The following UBE2N variants were observed in gnomAD, a reference collection of about 807,000 sequenced individuals.
UBE2N encodes ubiquitin conjugating enzyme E2 N.
For synonymous variants in UBE2N, 70 were observed against 69.2 expected (o/e 1.01, Z -0.06); for missense variants, 60 against 192.1 (o/e 0.31, Z 4.07).
intron 1 of UBE2N, among the ~76,000 whole-genome samples, chr12:93,430,863 C>T (rs1441020722): frequency 6.7e-6 from 1 of 150,038 alleles, no homozygotes. Context: ...CCTGTGATCC[C>T]AGCTACTCGG....
intron 1 of UBE2N, among the ~76,000 whole-genome samples, chr12:93,423,423 A>C (rs1372348179): frequency 6.6e-6 from 1 of 152,098 alleles, no homozygotes; most frequent in Non-Finnish European, 1.5e-5. Context: ...AAGCTAAATA[A>C]CTCTTTGGGA....
chr12:93,434,596 T>C (rs898957102), intron 1 of UBE2N, among the ~76,000 whole-genome samples: 2 of 152,324 alleles, frequency 1.3e-5, no homozygotes, highest in East Asian at 1.9e-4. Context: ...ACAGTATCTT[T>C]AGAGCCTGAA....
intron 1 of UBE2N, among the ~76,000 whole-genome samples, chr12:93,416,956 CT>C (rs1878237549): frequency 6.6e-6 from 1 of 150,982 alleles, no homozygotes; most frequent in Non-Finnish European, 1.5e-5. Context: ...TTTTGTGATT[CT>C]ATTATGTTTA....
intron 3 of UBE2N, 91 bp downstream of exon 3, chr12:93,410,643 C>CT (rs1878006473): frequency 6.5e-7 from 1 of 1,546,576 alleles, no homozygotes; most frequent in East Asian, 2.2e-5. Flanking sequence ...TTTTCTATTT[C>CT]TTTTCCTTGC....
rs1877914892 is a variant in UBE2N, at chr12:93,408,087, A to G, written c.*1952T>C. 6.6e-6 allele frequency: 1 copy of G among 152,222 alleles called. No individual in the cohort carries two copies. The highest frequency in any genetic ancestry group is 6.5e-5 in the Admixed American group (1 of 15,284). The allele number at this position is 152,222 out of a possible 1,614,324, so 9.4% of individuals were successfully genotyped here. A position where few individuals can be genotyped will look rare whatever the true frequency, so the allele number is the denominator to read the frequency against. The stretch of plus-strand genomic sequence containing the variant: ...GGTTTGTAAATCACTATGTGATACT[A>G]GCTATAACCATGAGCAATATTACGG... On this transcript the variant is annotated 3_prime_UTR_variant, in exon 4 of 4. Transcript: ENST00000318066.
chr12:93,416,411 G>A (rs1878209417), intron 1 of UBE2N, among the ~76,000 whole-genome samples: 1 of 151,450 alleles, frequency 6.6e-6, no homozygotes, highest in Non-Finnish European at 1.5e-5. Flanking sequence ...TTTAAGTGAA[G>A]AAGTAAAGGG....
rs1382440554 is a variant in UBE2N at position 93,405,881 on chromosome 12, TAAAG to T, written c.*4154_*4157del. The T allele has an allele frequency of 6.6e-6, 1 of 152,178 alleles. No homozygotes were observed. The allele number at this position is 152,178 out of a possible 1,614,324, so 9.4% of individuals were successfully genotyped here. A position where few individuals can be genotyped will look rare whatever the true frequency, so the allele number is the denominator to read the frequency against. ...AATGAAATATTACATTTTTCTTAAA[TAAAG>T]CAATAAATTAGGTACCCTATTATCA... On this transcript the variant is annotated 3_prime_UTR_variant, in exon 4 of 4. Coordinates refer to ENST00000318066, the MANE Select transcript of UBE2N (RefSeq NM_003348.4).
At chr12:93,412,954 A>T (rs1333349785) in intron 1 of UBE2N, among the ~76,000 whole-genome samples, 2 of 152,230 alleles carry the variant, frequency 1.3e-5, no homozygotes, top group East Asian at 3.8e-4. Flanking sequence ...AGGTCTTCGA[A>T]TAAATTTTGC....
chr12:93,407,923 A>T lies in UBE2N; in HGVS notation c.*2116T>A, dbSNP rs2121047011. The T allele has an allele frequency of 6.6e-6, 1 of 152,358 alleles. No individual in the cohort carries two copies. The highest frequency in any genetic ancestry group is 1.9e-4 in the East Asian group (1 of 5,190). 9.4% of individuals were successfully genotyped at this position (152,358 alleles called of 1,614,324 possible). A position where few individuals can be genotyped will look rare whatever the true frequency, so the allele number is the denominator to read the frequency against. On this transcript the variant is annotated 3_prime_UTR_variant, in exon 4 of 4. Transcript: ENST00000318066. ...AGTCTTACCAAAACTGCAAAGGAAA[A>T]AAATATGATACCATGAAATTAGAAA...
At chr12:93,420,370 G>C (rs971088282) in intron 1 of UBE2N, among the ~76,000 whole-genome samples, 1 of 152,150 alleles carries the variant, frequency 6.6e-6, no homozygotes, top group Admixed American at 6.5e-5. Context: ...AAAAGGAATG[G>C]AGACTTGGGA....
chr12:93,422,637 AAAT>A (rs1592745610), intron 1 of UBE2N, among the ~76,000 whole-genome samples: 1 of 152,282 alleles, frequency 6.6e-6, no homozygotes, highest in South Asian at 2.1e-4. Flanking sequence ...GTGAACACTA[AAAT>A]AATAAGATTT....
chr12:93,419,141 T>A (rs574055871), intron 1 of UBE2N, among the ~76,000 whole-genome samples: 43 of 152,350 alleles, frequency 2.8e-4, no homozygotes, highest in Non-Finnish European at 4.7e-4. Flanking sequence ...GTCTCATGCC[T>A]ATAATCCCAG....
chr12:93,419,370 A>G (rs1425035337), intron 1 of UBE2N, among the ~76,000 whole-genome samples: 2 of 152,142 alleles, frequency 1.3e-5, no homozygotes, highest in African/African-American at 4.8e-5. Context: ...AGCCTGGGCA[A>G]CAAGAGTGAA....
In UBE2N at chr12:93,406,793, C is replaced by G. The variant is rs970446560; in HGVS notation, c.*3246G>C. 1.3e-5 allele frequency: 2 copies of G among 152,186 alleles called. No homozygotes were observed. Among genetic ancestry groups the G allele is most frequent in the Non-Finnish European group, 2.9e-5 (2 of 68,032 alleles). 9.4% of individuals were successfully genotyped at this position (152,186 alleles called of 1,614,324 possible). On this transcript the variant is annotated 3_prime_UTR_variant, in exon 4 of 4. Transcript: ENST00000318066. ...CATCATTTTATTCCAGAGACTTGAGCATCTGCGAATTTGGATATCCAAAGG... is the reference window on the plus strand; with the variant it reads ...CATCATTTTATTCCAGAGACTTGAGGATCTGCGAATTTGGATATCCAAAGG...
chr12:93,437,586 G>A (rs1878971190), intron 1 of UBE2N, among the ~76,000 whole-genome samples: 1 of 152,094 alleles, frequency 6.6e-6, no homozygotes, highest in Non-Finnish European at 1.5e-5. Flanking sequence ...CACTTGAGAA[G>A]AGGAGTTTGA....
intron 1 of UBE2N, among the ~76,000 whole-genome samples, chr12:93,437,877 T>C (rs1417896753): frequency 6.6e-6 from 1 of 152,206 alleles, no homozygotes; most frequent in African/African-American, 2.4e-5. Context: ...CTACGTATCC[T>C]TCAGAGCCTT....
intron 1 of UBE2N, among the ~76,000 whole-genome samples, chr12:93,411,939 G>A (rs1040996889): frequency 9.9e-5 from 15 of 152,086 alleles, no homozygotes; most frequent in Admixed American, 6.6e-4. Flanking sequence ...TGATTTGCTC[G>A]CCTTGGCTTC....
At chr12:93,411,416 A>G (rs914317560) in intron 1 of UBE2N, 117 bp from the exon 2 acceptor site, 4 of 1,397,818 alleles carry the variant, frequency 2.9e-6, no homozygotes, top group Non-Finnish European at 3.8e-6. Flanking sequence ...CCAATCTCCC[A>G]ACAGATTTAG....
chr12:93,415,913 T>C (rs937111648), intron 1 of UBE2N, among the ~76,000 whole-genome samples: 1 of 152,218 alleles, frequency 6.6e-6, no homozygotes, highest in Non-Finnish European at 1.5e-5. Flanking sequence ...GAGATAGGTA[T>C]GGCATTTACT....
Sources: allele counts gnomAD v4.1 joint callset (sites outside exome capture counted in the v4.1 genomes callset), GRCh38; gene constraint gnomAD v4.1.1; transcripts MANE v1.5; gene names NCBI Gene and HGNC (gene_info 2026-07-23, HGNC 2026-07-21).